Variants in PHRF1 observed in about 807,000 individuals in gnomAD.
PHRF1 encodes PHD and ring finger domains 1.
PHRF1 carries 53 observed loss-of-function variants against 128.9 expected under a neutral mutation model. That is an observed-to-expected ratio of 0.41 (90% CI 0.33 to 0.52). The LOEUF is 0.52. PHRF1 is among the 20% of genes least tolerant of loss of function. PHRF1 has a pLI of 0.21. For missense variants in PHRF1, 2,503 were observed against 2,284.5 expected, an observed-to-expected ratio of 1.10 and a Z score of -1.95; for synonymous variants, 1,178 against 980.6, an observed-to-expected ratio of 1.20 and a Z score of -3.76.
chr11:602,825 C>T (rs1471859352), intron 10 of PHRF1, among the ~76,000 whole-genome samples: 6 of 148,828 alleles, frequency 4.0e-5, no homozygotes, highest in South Asian at 2.1e-4. Context: ...TGTAGTGGTG[C>T]GATCTCGGCT....
chr11:609,570 C>G lies in PHRF1; in HGVS notation c.4114C>G (p.Pro1372Ala). 1 of 1,599,042 alleles carries G rather than the reference C, an allele frequency of 6.3e-7. No homozygotes were observed. The highest frequency in any genetic ancestry group is 1.7e-4 in the Middle Eastern group (1 of 6,052). ...GGCGCCTGCGGGGAAGGAAGACAGC[C>G]CCTCTGCGAGTGGGAGGGTACAGGA... is the stretch of plus-strand genomic sequence containing the variant. ...DVAPAGKEDS[P>A]SASGRVQEAA... Residue 1372 changes from proline (P) to alanine (A), a missense_variant, in exon 14 of 18, where the codon CCC (proline) becomes GCC (alanine). Transcript: ENST00000264555.
intron 4 of PHRF1, among the ~76,000 whole-genome samples, chr11:589,157 T>G (rs1854771811): frequency 6.6e-6 from 1 of 151,802 alleles, no homozygotes; most frequent in Non-Finnish European, 1.5e-5. Flanking sequence ...AGGAGAACTC[T>G]TACAGATGAA....
chr11:591,317 A>G (rs1393140012), intron 4 of PHRF1, 67 bp from the exon 5 acceptor site: 9 of 1,393,132 alleles, frequency 6.5e-6, no homozygotes, highest in Admixed American at 4.1e-5. Context: ...TTTTCAGTGT[A>G]AAAGAATTTT....
intron 3 of PHRF1, among the ~76,000 whole-genome samples, chr11:582,911 G>A (rs558395395): frequency 2.5e-3 from 377 of 150,600 alleles, no homozygotes; most frequent in Non-Finnish European, 3.4e-3. Flanking sequence ...GTAGACGCCT[G>A]TAATCCCAGC....
At position 606,339 on chromosome 11, in the gene PHRF1, G is replaced by C. The variant is rs1855936148; in HGVS notation, c.1455-103G>C. On this transcript the variant is annotated intron_variant, in intron 12 of 17. Transcript: ENST00000264555. ...GTGGGGGAGGCGCAGGCCCGGCCCA[G>C]CCCCACTCTCCCTGGCTCCCGCCTG... 1.1e-5 allele frequency: 16 copies of C among 1,401,608 alleles called. No homozygotes were observed. In the South Asian group the frequency reaches 2.4e-4, roughly 21 times the overall value. The allele number at this position is 1,401,608 out of a possible 1,614,324, so 86.8% of individuals were successfully genotyped here.
intron 11 of PHRF1, 96 bp downstream of exon 11, chr11:605,396 T>G: frequency 6.6e-7 from 1 of 1,519,006 alleles, no homozygotes; most frequent in Non-Finnish European, 8.9e-7. Context: ...GCGTTAGGTT[T>G]TGTGTTTGAG....
At chr11:588,873 C>G (rs1186131874) in intron 4 of PHRF1, among the ~76,000 whole-genome samples, 1 of 152,062 alleles carries the variant, frequency 6.6e-6, no homozygotes. Context: ...TGCAGTGGCT[C>G]ACGCCTGTAA....
At chr11:579,006 A>T (rs1055832146) in intron 1 of PHRF1, among the ~76,000 whole-genome samples, 1 of 152,008 alleles carries the variant, frequency 6.6e-6, no homozygotes. Context: ...TGCCCGGCTC[A>T]TTTTTTCTAT....
At chr11:589,134 C>CAA (rs1226095605) in intron 4 of PHRF1, among the ~76,000 whole-genome samples, 9 of 125,004 alleles carry the variant, frequency 7.2e-5, no homozygotes, top group African/African-American at 9.0e-5. Context: ...GACACTGTCT[C>CAA]AAAAAAAAAA....
intron 4 of PHRF1, among the ~76,000 whole-genome samples, chr11:588,130 G>T (rs1369971129): frequency 6.6e-6 from 1 of 152,112 alleles, no homozygotes; most frequent in African/African-American, 2.4e-5. Context: ...CCAGCAGCCC[G>T]TGCTGTCCCC....
chr11:603,725 G>GTTTTTTTTTTTTTTTTTTTT (rs1233128066), intron 10 of PHRF1, among the ~76,000 whole-genome samples: 1 of 103,282 alleles, frequency 9.7e-6, no homozygotes, highest in African/African-American at 4.3e-5. Context: ...CCATATTTAA[G>GTTTTTTTTTTTTTTTTTTTT]TTTGTTTTTT....
At chr11:592,818 G>C (rs1855060368) in intron 6 of PHRF1, 144 bp downstream of exon 6, 2 of 812,312 alleles carry the variant, frequency 2.5e-6, no homozygotes, top group Non-Finnish European at 4.0e-6. Context: ...GCGCGGTTCA[G>C]TCCTGCGGGC....
chr11:586,806 C>T (rs761566822), intron 3 of PHRF1, among the ~76,000 whole-genome samples: 8 of 152,006 alleles, frequency 5.3e-5, no homozygotes, highest in Middle Eastern at 3.2e-3. Flanking sequence ...GTCCCTTCCG[C>T]GGGCAGAGGG....
In PHRF1 at chr11:607,511, C is replaced by T. The variant is rs755402608; in HGVS notation, c.2055C>T (p.Ile685=). 4 of 1,612,682 alleles carry T rather than the reference C, an allele frequency of 2.5e-6. No homozygotes were observed. The highest frequency in any genetic ancestry group is 3.4e-6 in the Non-Finnish European group (4 of 1,179,898). ...DISELPRIPK[I]RRDDGGGRRD... ...CTGAGCTACCCAGGATACCAAAGAT[C>T]AGGAGAGATGACGGTGGTGGCAGAC... is the stretch of plus-strand genomic sequence containing the variant. Residue 685 remains isoleucine, a synonymous_variant, in exon 14 of 18, where the codon ATC becomes ATT. Coordinates refer to ENST00000264555, the MANE Select transcript of PHRF1 (RefSeq NM_001286581.2).
chr11:583,725 G>T (rs1038205138), intron 3 of PHRF1, among the ~76,000 whole-genome samples: 2 of 144,188 alleles, frequency 1.4e-5, no homozygotes, highest in Non-Finnish European at 3.1e-5. Flanking sequence ...GGAGCGAGAC[G>T]TTATCTCAAA....
chr11:609,554 G>T lies in PHRF1; in HGVS notation c.4098G>T (p.Ala1366=), dbSNP rs371455113. The T allele has an allele frequency of 3.8e-6, 6 of 1,599,156 alleles. No individual in the cohort carries two copies. Among genetic ancestry groups the T allele is most frequent in the Non-Finnish European group, 5.1e-6 (6 of 1,174,916 alleles). ...CCAGTTCCCCGGATGTGGCGCCTGC[G>T]GGGAAGGAAGACAGCCCCTCTGCGA... ...EAPSSPDVAP[A]GKEDSPSASG... The change falls in exon 14 of 18, where the codon GCG becomes GCT. Residue 1366 remains alanine (A), a synonymous_variant. Coordinates refer to ENST00000264555, the MANE Select transcript of PHRF1 (RefSeq NM_001286581.2).
intron 4 of PHRF1, among the ~76,000 whole-genome samples, chr11:591,168 G>A (rs770075583): frequency 7.2e-5 from 11 of 152,302 alleles, no homozygotes; most frequent in Non-Finnish European, 1.2e-4. Flanking sequence ...GATGCTACGC[G>A]TTCATGGAGC....
chr11:585,712 G>C (rs1349736326), intron 3 of PHRF1, among the ~76,000 whole-genome samples: 2 of 106,326 alleles, frequency 1.9e-5, no homozygotes, highest in Non-Finnish European at 3.9e-5. Context: ...GTCGAGTCTC[G>C]CTCTGTTGCC....
chr11:584,117 C>T (rs182150991), intron 3 of PHRF1, among the ~76,000 whole-genome samples: 8 of 152,352 alleles, frequency 5.3e-5, no homozygotes, highest in Non-Finnish European at 1.0e-4. Context: ...TGGCCGTGTC[C>T]TTCCAGAGTT....
Sources: allele counts gnomAD v4.1 joint callset (sites outside exome capture counted in the v4.1 genomes callset), GRCh38; gene constraint gnomAD v4.1.1; transcripts MANE v1.5; gene names NCBI Gene and HGNC (gene_info 2026-07-23, HGNC 2026-07-21).